LRRC4C: variants seen among roughly 807,000 people sequenced by gnomAD.
LRRC4C encodes the protein leucine rich repeat containing 4C.
Under a neutral mutation model 33.6 loss-of-function variants are expected in LRRC4C, and 5 were observed. The ratio of observed to expected loss-of-function variants is 0.15; its 90% CI spans 0.08 to 0.31. The LOEUF is 0.31. Among genes scored for constraint, LRRC4C ranks in the 10% least tolerant of loss-of-function variants. LRRC4C has a pLI of 1.00. For synonymous variants in LRRC4C, 329 were observed against 302.0 expected, an observed-to-expected ratio of 1.09 and a Z score of -0.93; for missense variants, 560 against 796.7, an observed-to-expected ratio of 0.70 and a Z score of 3.58.
chr11:40,809,422 ATAT>A (rs1951388756), intron 2 of LRRC4C, among the ~76,000 whole-genome samples: 1 of 152,056 alleles, frequency 6.6e-6, no homozygotes, highest in Admixed American at 6.6e-5. Flanking sequence ...ATTATTTGTC[ATAT>A]TTTTGTTCAA....
chr11:40,762,734 T>C (rs1949279777), intron 2 of LRRC4C, among the ~76,000 whole-genome samples: 1 of 152,156 alleles, frequency 6.6e-6, no homozygotes, highest in African/African-American at 2.4e-5. Flanking sequence ...ACCCATTCCC[T>C]ATCTGTATCC....
chr11:40,405,808 T>C (rs1949945360), intron 3 of LRRC4C, among the ~76,000 whole-genome samples: 1 of 151,304 alleles, frequency 6.6e-6, no homozygotes, highest in Non-Finnish European at 1.5e-5. Flanking sequence ...GAAGCAAGAA[T>C]TGGTGCAGCT....
At chr11:41,434,539 T>C (rs1955358234) in intron 1 of LRRC4C, among the ~76,000 whole-genome samples, 1 of 152,138 alleles carries the variant, frequency 6.6e-6, no homozygotes. Context: ...GGGAAGGACG[T>C]ACATCCCATG....
intron 1 of LRRC4C, among the ~76,000 whole-genome samples, chr11:41,019,985 A>C (rs900832993): frequency 6.6e-6 from 1 of 152,098 alleles, no homozygotes; most frequent in African/African-American, 2.4e-5. Context: ...CACTCTCATG[A>C]TAGTTTCTAT....
chr11:41,166,154 T>C (rs1201348052), intron 1 of LRRC4C, among the ~76,000 whole-genome samples: 1 of 152,112 alleles, frequency 6.6e-6, no homozygotes, highest in Non-Finnish European at 1.5e-5. Flanking sequence ...AATGATAGTC[T>C]TTACTAAATA....
chr11:40,956,755 C>T (rs1958972768), intron 1 of LRRC4C, among the ~76,000 whole-genome samples: 4 of 151,752 alleles, frequency 2.6e-5, no homozygotes, highest in Admixed American at 2.6e-4. Flanking sequence ...CTAGGACCCT[C>T]TTTCTCTCAT....
chr11:40,128,501 T>C (rs1323242848), intron 6 of LRRC4C, among the ~76,000 whole-genome samples: 3 of 152,240 alleles, frequency 2.0e-5, no homozygotes, highest in Admixed American at 1.3e-4. Flanking sequence ...TGACAATTCA[T>C]TCTTTTTAGA....
chr11:41,230,717 T>C (rs957284279), intron 1 of LRRC4C, among the ~76,000 whole-genome samples: 1 of 151,716 alleles, frequency 6.6e-6, no homozygotes, highest in African/African-American at 2.4e-5. Flanking sequence ...ATGTCTAAAA[T>C]ACCAAAAGCA....
chr11:41,338,541 C>A (rs1025325856), intron 1 of LRRC4C, among the ~76,000 whole-genome samples: 1 of 151,740 alleles, frequency 6.6e-6, no homozygotes, highest in East Asian at 1.9e-4. Context: ...TGGGGCCTGT[C>A]GGGAGGTGGT....
At chr11:40,542,687 G>A (rs1956771257) in intron 3 of LRRC4C, among the ~76,000 whole-genome samples, 1 of 151,956 alleles carries the variant, frequency 6.6e-6, no homozygotes, top group African/African-American at 2.4e-5. Flanking sequence ...TGCTCTTGCT[G>A]GTTAGATTTA....
chr11:40,748,315 T>C (rs1948527632), intron 2 of LRRC4C, among the ~76,000 whole-genome samples: 1 of 152,102 alleles, frequency 6.6e-6, no homozygotes, highest in African/African-American at 2.4e-5. Flanking sequence ...AGCAAAATTA[T>C]CCTTCAGAAA....
intron 3 of LRRC4C, among the ~76,000 whole-genome samples, chr11:40,338,146 G>A (rs908927747): frequency 2.0e-5 from 3 of 152,046 alleles, no homozygotes; most frequent in East Asian, 3.9e-4. Flanking sequence ...AGTACAACTC[G>A]ACTATATTTT....
rs148059380 is a variant in LRRC4C at position 40,635,572 on chromosome 11, C to A, written c.-270+12570G>T. On this transcript the variant is annotated intron_variant, in intron 3 of 6. Coordinates refer to ENST00000528697, the MANE Select transcript of LRRC4C (RefSeq NM_001258419.2). ...GAGCTCATAATCAGTAGGGGAAAAT[C>A]AGAAGAAAAAGCTATATAAAGATGC... Among the ~76,000 whole-genome samples the A allele has an allele frequency of 9.4e-4, 141 of 149,464 alleles. 1 individual carries two copies. In the East Asian group the frequency reaches 0.025, roughly 27 times the overall value.
chr11:40,891,977 T>C (rs992882249), intron 2 of LRRC4C, among the ~76,000 whole-genome samples: 2 of 151,274 alleles, frequency 1.3e-5, no homozygotes, highest in Admixed American at 1.3e-4. Context: ...CTACTAAAAA[T>C]ACAAAAAATT....
chr11:40,457,788 C>T (rs1952206478), intron 3 of LRRC4C, among the ~76,000 whole-genome samples: 1 of 152,128 alleles, frequency 6.6e-6, no homozygotes, highest in African/African-American at 2.4e-5. Context: ...GATGGCTCCC[C>T]TCCTTCAATT....
At chr11:40,754,082 T>C (rs1948823771) in intron 2 of LRRC4C, among the ~76,000 whole-genome samples, 1 of 152,028 alleles carries the variant, frequency 6.6e-6, no homozygotes, top group African/African-American at 2.4e-5. Context: ...TTTCAGTTGA[T>C]TTTCTTTGGG....
At chr11:40,693,646 C>CT (rs1945334830) in intron 2 of LRRC4C, among the ~76,000 whole-genome samples, 1 of 152,052 alleles carries the variant, frequency 6.6e-6, no homozygotes. Flanking sequence ...AAACAAGACT[C>CT]TCTTGTCAAG....
At chr11:40,775,135 G>A (rs564323207) in intron 2 of LRRC4C, among the ~76,000 whole-genome samples, 2 of 152,248 alleles carry the variant, frequency 1.3e-5, no homozygotes, top group South Asian at 2.1e-4. Flanking sequence ...TATTGGCCAG[G>A]TGCAGTGGCT....
At chr11:40,602,509 T>C (rs923018775) in intron 3 of LRRC4C, among the ~76,000 whole-genome samples, 4 of 151,332 alleles carry the variant, frequency 2.6e-5, no homozygotes, top group Non-Finnish European at 5.9e-5. Flanking sequence ...GAGAGTTAAA[T>C]GCAAATGTTC....
Sources: allele counts gnomAD v4.1 joint callset (sites outside exome capture counted in the v4.1 genomes callset), GRCh38; gene constraint gnomAD v4.1.1; transcripts MANE v1.5; gene names NCBI Gene and HGNC (gene_info 2026-07-23, HGNC 2026-07-21).